USP28: variants seen among roughly 807,000 people sequenced by gnomAD.
The protein encoded by USP28 is ubiquitin carboxyl-terminal hydrolase 28.
USP28 carries 113 observed loss-of-function variants against 145.0 expected under a neutral mutation model. The ratio of observed to expected loss-of-function variants is 0.78; its 90% CI spans 0.67 to 0.91. USP28 has a LOEUF of 0.91. Among genes scored for constraint, USP28 ranks in the 40% least tolerant of loss-of-function variants. The pLI, the probability that USP28 is intolerant of heterozygous loss-of-function variation, is 0.00. For synonymous variants in USP28, 447 were observed against 450.9 expected (o/e 0.99, Z 0.11); for missense variants, 1,201 against 1,289.6 (o/e 0.93, Z 1.05).
chr11:113,817,496 T>C (rs905622771), intron 13 of USP28, among the ~76,000 whole-genome samples, 162 bp downstream of exon 13: 3 of 152,150 alleles, frequency 2.0e-5, no homozygotes, highest in African/African-American at 7.2e-5. Context: ...GTGGGCCCAC[T>C]CCCACCCAAG....
intron 17 of USP28, 93 bp from the exon 18 acceptor site, chr11:113,808,530 T>A (rs1460870799): frequency 5.6e-5 from 77 of 1,368,052 alleles, no homozygotes; most frequent in Non-Finnish European, 6.9e-6. Flanking sequence ...CAGTTTAATA[T>A]ACAACCCTGT....
In USP28 at chr11:113,804,124, G is replaced by A. The variant is rs1939527399; in HGVS notation, c.2659-247C>T. ...AAGTACTTATTTCCTACGAGCTTCG[G>A]ATTTTATCCTAATTTCTAACAGCTA... On this transcript the variant is annotated intron_variant, in intron 21 of 24. Coordinates refer to ENST00000003302, the Ensembl canonical transcript of USP28. Among the ~76,000 whole-genome samples the A allele has an allele frequency of 2.0e-5, 3 of 152,294 alleles. No homozygotes were observed. The South Asian group carries it at 6.2e-4, about 32-fold the overall frequency.
intron 5 of USP28, among the ~76,000 whole-genome samples, chr11:113,840,256 T>C (rs1290596009): frequency 6.6e-6 from 1 of 152,192 alleles, no homozygotes; most frequent in East Asian, 1.9e-4. Context: ...CCATGACTTC[T>C]GCCACTTCTC....
At chr11:113,832,185 A>G (rs762383148) in intron 7 of USP28, among the ~76,000 whole-genome samples, 192 bp from the exon 8 acceptor site, 2 of 151,866 alleles carry the variant, frequency 1.3e-5, no homozygotes, top group African/African-American at 2.4e-5. Context: ...TCTCAGCTCA[A>G]TGCAGCCTCC....
At chr11:113,857,604 A>C (rs999484963) in intron 1 of USP28, among the ~76,000 whole-genome samples, 16 of 152,230 alleles carry the variant, frequency 1.1e-4, no homozygotes, top group Non-Finnish European at 2.2e-4. Context: ...GCAGACAATG[A>C]CAACATCACA....
At chr11:113,826,476 A>ATT (rs538682333) in intron 11 of USP28, among the ~76,000 whole-genome samples, 19 of 141,358 alleles carry the variant, frequency 1.3e-4, no homozygotes, top group Non-Finnish European at 2.3e-4. Context: ...CACCCAGCTA[A>ATT]TTTTTTTTTT....
chr11:113,859,095 C>T, intron 1 of USP28, among the ~76,000 whole-genome samples: 1 of 151,970 alleles, frequency 6.6e-6, no homozygotes, highest in Non-Finnish European at 1.5e-5. Flanking sequence ...ACCAGGCTGG[C>T]CTAACTGCTG....
chr11:113,803,903 A>G, intron 21 of USP28, 26 bp from the exon 23 acceptor site: 1 of 1,589,936 alleles, frequency 6.3e-7, no homozygotes, highest in Non-Finnish European at 8.6e-7. Flanking sequence ...GATTATTAAT[A>G]ATCATGATCA....
chr11:113,813,944 A>G lies in USP28; in HGVS notation c.1684T>C (p.Cys562Arg). 4 of 1,608,774 alleles carry G rather than the reference A, an allele frequency of 2.5e-6. 1 individual carries two copies. Among genetic ancestry groups the G allele is most frequent in the Non-Finnish European group, 3.4e-6 (4 of 1,178,322 alleles). ...ATAGTCTGAGTAGTACTTGCAATAC[A>G]AGTCTTTAAATCTGTTTGGAAAAAG... The change falls in exon 15 of 25, where the codon TGT (cysteine) becomes CGT (arginine). Residue 562 changes from cysteine to arginine, a missense_variant. By Grantham distance (180) the Cys-to-Arg change is radical. Transcript: ENST00000003302.
At chr11:113,831,886 C>T (rs545246123) in intron 8 of USP28, 34 bp downstream of exon 8, 52 of 1,598,560 alleles carry the variant, frequency 3.3e-5, no homozygotes, top group South Asian at 4.4e-5. Context: ...CACTGTGAGT[C>T]GGAAGGATGT....
intron 12 of USP28, 136 bp downstream of exon 12, chr11:113,823,469 G>A (rs1942924362): frequency 1.4e-6 from 1 of 699,066 alleles, no homozygotes; most frequent in East Asian, 2.8e-5. Flanking sequence ...TTCACACTTA[G>A]ACAAAAAATT....
At chr11:113,837,023 C>T (rs1161526410) in intron 5 of USP28, among the ~76,000 whole-genome samples, 1 of 152,168 alleles carries the variant, frequency 6.6e-6, no homozygotes, top group African/African-American at 2.4e-5. Context: ...CATCCCCTTC[C>T]CCACCACAGT....
chr11:113,814,992 C>T (rs549638360), intron 14 of USP28, among the ~76,000 whole-genome samples, 182 bp downstream of exon 14: 1 of 152,052 alleles, frequency 6.6e-6, no homozygotes, highest in South Asian at 2.1e-4. Flanking sequence ...GCGGAGGTTT[C>T]AGTGAGCTGA....
rs141002301 is a variant in USP28 at position 113,865,577 on chromosome 11, C to T, written c.57+9868G>A. On this transcript the variant is annotated intron_variant, in intron 1 of 24. Transcript: ENST00000003302. The stretch of plus-strand genomic sequence containing the variant: ...GGTCAACTGATTTTCAACCAGAGTG[C>T]CAACACCATTTGATGGGGGAAAAAT... Among the ~76,000 whole-genome samples the T allele has an allele frequency of 2.2e-3, 334 of 152,270 alleles. 2 individuals carry two copies. The highest frequency in any genetic ancestry group is 7.5e-3 in the African/African-American group (312 of 41,556).
intron 1 of USP28, among the ~76,000 whole-genome samples, chr11:113,864,881 G>A (rs1325343094): frequency 6.6e-6 from 1 of 151,922 alleles, no homozygotes; most frequent in Non-Finnish European, 1.5e-5. Context: ...TTGGAGATGG[G>A]GTCTGTCTCT....
intron 14 of USP28, among the ~76,000 whole-genome samples, chr11:113,814,921 A>G (rs1941494735): frequency 6.6e-6 from 1 of 151,316 alleles, no homozygotes; most frequent in Non-Finnish European, 1.5e-5. Context: ...GTGTGGTGGT[A>G]CATGCCTATA....
intron 3 of USP28, among the ~76,000 whole-genome samples, chr11:113,844,930 C>A (rs1328397231): frequency 6.6e-6 from 1 of 151,606 alleles, no homozygotes; most frequent in Non-Finnish European, 1.5e-5. Context: ...TGTGGCGAAA[C>A]CTTGCCTCTA....
At chr11:113,874,934 G>C in intron 1 of USP28, 1 of 988,292 alleles carries the variant, frequency 1.0e-6, no homozygotes, top group Non-Finnish European at 1.2e-6. Context: ...TTTTAAAGCC[G>C]GGTTGGGAGG....
intron 16 of USP28, among the ~76,000 whole-genome samples, chr11:113,810,306 C>T (rs1031861356): frequency 3.3e-5 from 5 of 152,136 alleles, no homozygotes; most frequent in Admixed American, 6.5e-5. Context: ...TCAATAATAC[C>T]TGGCTTTAAT....
Sources: allele counts gnomAD v4.1 joint callset (sites outside exome capture counted in the v4.1 genomes callset), GRCh38; gene constraint gnomAD v4.1.1; transcripts MANE v1.5; gene names NCBI Gene and HGNC (gene_info 2026-07-23, HGNC 2026-07-21).